The following PSMC2 variants were observed in gnomAD, a reference collection of about 807,000 sequenced individuals.
The protein encoded by PSMC2 is proteasome 26S subunit, ATPase 2, also known as 26S proteasome regulatory subunit 7.
In PSMC2, 7 loss-of-function variants were observed where a neutral mutation model predicts 53.3. The observed-to-expected ratio is 0.13, with a 90% CI of 0.07 to 0.25. The LOEUF (loss-of-function observed/expected upper bound fraction) is 0.25, where lower values mean the gene tolerates loss of function less well. Ranked by LOEUF, PSMC2 falls within the 10% of genes least tolerant of loss-of-function variation. The pLI, the probability that PSMC2 is intolerant of heterozygous loss-of-function variation, is 1.00. For missense variants in PSMC2, 241 were observed against 544.0 expected, an observed-to-expected ratio of 0.44 and a Z score of 5.54; for synonymous variants, 169 against 183.9, an observed-to-expected ratio of 0.92 and a Z score of 0.66.
chr7:103,352,529 C>T lies in PSMC2; in HGVS notation c.71-1392C>T, dbSNP rs1007592358. Reference sequence around the variant, plus strand: ...GGCTCAAGCGATCCTCCTGCCTCAGCCCCCCAAGTAGCTGGGACTACAAGT... The same window carrying T: ...GGCTCAAGCGATCCTCCTGCCTCAGTCCCCCAAGTAGCTGGGACTACAAGT... On this transcript the variant is annotated intron_variant, in intron 1 of 11. Transcript: ENST00000292644. Among the ~76,000 whole-genome samples the T allele has an allele frequency of 3.3e-5, 5 of 151,480 alleles. No individual in the cohort carries two copies. In the South Asian group the frequency reaches 6.3e-4, roughly 19 times the overall value.
In PSMC2 at chr7:103,367,946, A is replaced by G; in HGVS notation, c.1194A>G (p.Arg398=). 3 of 1,614,166 alleles carry G rather than the reference A, an allele frequency of 1.9e-6. No individual in the cohort carries two copies. The highest frequency in any genetic ancestry group is 2.5e-6 in the Non-Finnish European group (3 of 1,180,032). ...CAGAGGCTGGTATGTTTGCCATCAG[A>G]GCACGGCGAAAAATTGCTACCGAGA... The part of the protein sequence containing the change: ...VCTEAGMFAI[R]ARRKIATEKD... The change falls in exon 12 of 12, where the codon AGA becomes AGG. Residue 398 remains arginine, a synonymous_variant. Coordinates refer to ENST00000292644, the MANE Select transcript of PSMC2 (RefSeq NM_002803.4). The surrounding 1 kb of genome is among the most constrained non-coding windows in gnomAD (Gnocchi z 6.1).
intron 4 of PSMC2, among the ~76,000 whole-genome samples, chr7:103,361,510 CAAAAAAAAAAAAA>C (rs759044767): frequency 5.9e-5 from 3 of 51,076 alleles, no homozygotes; most frequent in Non-Finnish European, 1.2e-4. Flanking sequence ...AACTCCATCT[CAAAAAAAAAAAAA>C]AAAAAAAAAA....
Position 103,361,938 on chromosome 7 carries a change from A to G in PSMC2, c.291-19A>G, listed in dbSNP as rs1460535102. 1 of 1,592,328 alleles carries G rather than the reference A, an allele frequency of 6.3e-7. No individual in the cohort carries two copies. The highest frequency in any genetic ancestry group is 8.5e-7 in the Non-Finnish European group (1 of 1,173,546). ...GTGGCTTAGGTTCCTTATTCTAATC[A>G]AGCTTTTTGCTGTGTTAGGTGTACA... On this transcript the variant is annotated intron_variant, in intron 4 of 11. Coordinates refer to ENST00000292644, the MANE Select transcript of PSMC2 (RefSeq NM_002803.4).
rs1256723441 is a variant in PSMC2, at chr7:103,348,581, C to G, written c.70+800C>G. The stretch of plus-strand genomic sequence containing the variant: ...ATAAAACAATGAGTACCTTTTACCT[C>G]GTTGCACTCTGAGACCAAGATGGGT... On this transcript the variant is annotated intron_variant, in intron 1 of 11. Transcript: ENST00000292644. The G allele has an allele frequency of 7.8e-6, 7 of 899,476 alleles. No homozygotes were observed. The South Asian group carries it at 7.8e-5, about 10-fold the overall frequency. The allele number at this position is 899,476 out of a possible 1,614,324, so 55.7% of individuals were successfully genotyped here.
intron 9 of PSMC2, among the ~76,000 whole-genome samples, chr7:103,366,547 G>C (rs1357761908): frequency 6.6e-6 from 1 of 152,104 alleles, no homozygotes; most frequent in Non-Finnish European, 1.5e-5. Flanking sequence ...TTGTCATGTT[G>C]GTGCTCAAAC....
chr7:103,367,384 A>G lies in PSMC2; in HGVS notation c.845-29A>G. ...TAGTGCTACTCTTGAGTGGACTTGA[A>G]GAGCTTATCTTTCCTTTTGTCTTCT... is the stretch of plus-strand genomic sequence containing the variant. On this transcript the variant is annotated intron_variant, in intron 9 of 11. Transcript: ENST00000292644. This position sits in a 1 kb window ranked among gnomAD's most constrained non-coding sequence, Gnocchi z 6.1. 1 of 1,610,062 alleles carries G rather than the reference A, an allele frequency of 6.2e-7. No homozygotes were observed. The highest frequency in any genetic ancestry group is 8.5e-7 in the Non-Finnish European group (1 of 1,177,894).
At chr7:103,362,428 C>T (rs909410027) in intron 5 of PSMC2, 4 of 1,353,018 alleles carry the variant, frequency 3.0e-6, no homozygotes, top group Non-Finnish European at 3.8e-6. Flanking sequence ...GAATACATAA[C>T]AACTCACTTA....
rs1252191095 is a variant in PSMC2 at position 103,367,247 on chromosome 7, A to ATTAGT, written c.845-163_845-159dup. Among the ~76,000 whole-genome samples, 2 of 152,112 alleles carry ATTAGT rather than the reference A, an allele frequency of 1.3e-5. No homozygotes were observed. The highest frequency in any genetic ancestry group is 4.8e-5 in the African/African-American group (2 of 41,406). On this transcript the variant is annotated intron_variant, in intron 9 of 11. Transcript: ENST00000292644. The surrounding 1 kb of genome is among the most constrained non-coding windows in gnomAD (Gnocchi z 6.1). ...TTTGAAAGCAAAGATTCACTTTCTAATTAGTTTTATATAAAGCAAGCTGTT... is the reference window on the plus strand; with the variant it reads ...TTTGAAAGCAAAGATTCACTTTCTAATTAGTTTAGTTTTATATAAAGCAAGCTGTT...
In PSMC2 at chr7:103,350,237, C is replaced by T. The variant is rs145665466; in HGVS notation, c.70+2456C>T. Among the ~76,000 whole-genome samples the T allele has an allele frequency of 7.2e-3, 1,100 of 151,974 alleles. 13 individuals carry two copies. Among genetic ancestry groups the T allele is most frequent in the African/African-American group, 0.025 (1,033 of 41,416 alleles). ...AAGTCATTTTCTTTTTTTTCTTTCACGGCCTGAAAGTGGCAGAAAGGACAG... is the reference window on the plus strand; with the variant it reads ...AAGTCATTTTCTTTTTTTTCTTTCATGGCCTGAAAGTGGCAGAAAGGACAG... On this transcript the variant is annotated intron_variant, in intron 1 of 11. Coordinates refer to ENST00000292644, the MANE Select transcript of PSMC2 (RefSeq NM_002803.4).
At chr7:103,365,904 G>A (rs1379458485) in intron 8 of PSMC2, among the ~76,000 whole-genome samples, 172 bp from the exon 9 acceptor site, 1 of 152,018 alleles carries the variant, frequency 6.6e-6, no homozygotes, top group Admixed American at 6.6e-5. Flanking sequence ...CTCCAGCCTG[G>A]GCGACAGAGG....
chr7:103,359,772 C>A (rs140891161), intron 4 of PSMC2, among the ~76,000 whole-genome samples: 2 of 152,102 alleles, frequency 1.3e-5, no homozygotes, highest in Admixed American at 1.3e-4. Context: ...GAAAATATTT[C>A]TTGTACTGAT....
chr7:103,362,556 C>G, intron 5 of PSMC2, 130 bp from the exon 6 acceptor site: 2 of 1,412,758 alleles, frequency 1.4e-6, no homozygotes, highest in Non-Finnish European at 1.9e-6. Flanking sequence ...CTTTATTTCT[C>G]TTTATATAAT....
At chr7:103,354,365 A>AT (rs752847513) in intron 2 of PSMC2, among the ~76,000 whole-genome samples, 7,257 of 134,506 alleles carry the variant, frequency 0.054, 285 homozygotes, top group South Asian at 0.13. Flanking sequence ...TTCACACACG[A>AT]TTTTTTTTTT....
intron 4 of PSMC2, among the ~76,000 whole-genome samples, chr7:103,360,361 C>CA (rs1333984792): frequency 6.6e-6 from 1 of 151,226 alleles, no homozygotes; most frequent in Non-Finnish European, 1.5e-5. Context: ...TGGTCAGCCT[C>CA]TTTTTTTTTG....
chr7:103,368,145 TC>T lies in PSMC2; in HGVS notation c.*92del, dbSNP rs1820817026. The T allele has an allele frequency of 4.3e-6, 5 of 1,154,358 alleles. No individual in the cohort carries two copies. The highest frequency in any genetic ancestry group is 6.0e-6 in the Non-Finnish European group (5 of 837,762). 71.5% of individuals were successfully genotyped at this position (1,154,358 alleles called of 1,614,324 possible). Reference sequence around the variant, plus strand: ...CCAATTCATAAACAAATAAATGGCTTCAAAATTGTATGCTTTTTTCCATATC... The same window carrying T: ...CCAATTCATAAACAAATAAATGGCTTAAAATTGTATGCTTTTTTCCATATC... On this transcript the variant is annotated 3_prime_UTR_variant, in exon 12 of 12. Coordinates refer to ENST00000292644, the MANE Select transcript of PSMC2 (RefSeq NM_002803.4).
Position 103,347,686 on chromosome 7 carries a change from G to T in PSMC2, c.-26G>T. 6.2e-7 allele frequency: 1 copy of T among 1,613,592 alleles called. No homozygotes were observed. The highest frequency in any genetic ancestry group is 8.5e-7 in the Non-Finnish European group (1 of 1,179,610). On this transcript the variant is annotated 5_prime_UTR_variant, in exon 1 of 12. Transcript: ENST00000292644. ...AGGAAGGTGCTGTGTAATCATTAAG[G>T]AGCGGAGGCTTTTGGAGCTGCTAAA...
intron 9 of PSMC2, among the ~76,000 whole-genome samples, 182 bp downstream of exon 9, chr7:103,366,345 T>C (rs1820718597): frequency 6.6e-6 from 1 of 152,268 alleles, no homozygotes; most frequent in Non-Finnish European, 1.5e-5. Flanking sequence ...GAAGACACAT[T>C]ATATACCATT....
At chr7:103,361,324 C>T (rs1461522181) in intron 4 of PSMC2, among the ~76,000 whole-genome samples, 1 of 147,450 alleles carries the variant, frequency 6.8e-6, no homozygotes, top group Non-Finnish European at 1.5e-5. Flanking sequence ...TCAAGAGAAA[C>T]CCCCTCTCTA....
intron 4 of PSMC2, among the ~76,000 whole-genome samples, chr7:103,359,806 G>A (rs1820271169): frequency 1.3e-5 from 2 of 152,064 alleles, no homozygotes; most frequent in African/African-American, 2.4e-5. Flanking sequence ...TTGACTGGGC[G>A]CAGTGGCTCA....
Sources: allele counts gnomAD v4.1 joint callset (sites outside exome capture counted in the v4.1 genomes callset), GRCh38; gene constraint gnomAD v4.1.1; non-coding constraint Gnocchi (gnomAD v3.1); transcripts MANE v1.5; gene names NCBI Gene and HGNC (gene_info 2026-07-23, HGNC 2026-07-21).